DPF2: variants seen among roughly 807,000 people sequenced by gnomAD.
The protein encoded by DPF2 is double PHD fingers 2.
Under a neutral mutation model 59.6 loss-of-function variants are expected in DPF2, and 10 were observed. The observed-to-expected ratio is 0.17, with a 90% CI of 0.10 to 0.28. The LOEUF (loss-of-function observed/expected upper bound fraction) is 0.28. Among genes scored for constraint, DPF2 ranks in the 10% least tolerant of loss-of-function variants. The pLI is 1.00. For synonymous variants in DPF2, 189 were observed against 190.6 expected (o/e 0.99, Z 0.07); for missense variants, 315 against 509.4 (o/e 0.62, Z 3.67).
intron 1 of DPF2, among the ~76,000 whole-genome samples, chr11:65,337,504 T>TATATAGAGAGAG (rs1282367012): frequency 5.6e-4 from 12 of 21,396 alleles, no homozygotes; most frequent in African/African-American, 7.4e-4. Context: ...TATATATATA[T>TATATAGAGAGAG]AGAGAGAGAG....
intron 6 of DPF2, 62 bp from the exon 7 acceptor site, chr11:65,345,604 G>A (rs1398736639): frequency 5.6e-6 from 9 of 1,598,818 alleles, no homozygotes; most frequent in African/African-American, 1.3e-5. Flanking sequence ...ACAGCTTGCA[G>A]GGATGGGGAC....
chr11:65,343,485 T>G, intron 4 of DPF2: 3 of 481,322 alleles, frequency 6.2e-6, no homozygotes, highest in Non-Finnish European at 7.5e-6. Flanking sequence ...AAGCATGCTA[T>G]TTGATTTGGC....
chr11:65,338,495 G>T (rs571025532), intron 1 of DPF2, among the ~76,000 whole-genome samples: 1 of 152,172 alleles, frequency 6.6e-6, no homozygotes, highest in East Asian at 1.9e-4. Context: ...TCCAGTGTCC[G>T]TATCAATTCC....
intron 3 of DPF2, 37 bp from the exon 4 acceptor site, chr11:65,341,362 C>T: frequency 3.1e-6 from 5 of 1,611,762 alleles, no homozygotes; most frequent in Non-Finnish European, 4.2e-6. Context: ...TGCTTTCAGC[C>T]CTTTTGAGCC....
chr11:65,343,891 C>T (rs1854452681), intron 5 of DPF2, 54 bp downstream of exon 5: 12 of 1,590,992 alleles, frequency 7.5e-6, no homozygotes, highest in Non-Finnish European at 8.6e-7. Context: ...TAGGGAATTC[C>T]TTATTTTATT....
chr11:65,344,692 T>C, intron 6 of DPF2: 5 of 1,472,952 alleles, frequency 3.4e-6, no homozygotes, highest in Non-Finnish European at 4.6e-6. Flanking sequence ...TCCTCCTGCC[T>C]TTCTCATTTC....
At chr11:65,334,717 C>T (rs1950073211) in intron 1 of DPF2, among the ~76,000 whole-genome samples, 1 of 152,162 alleles carries the variant, frequency 6.6e-6, no homozygotes, top group Non-Finnish European at 1.5e-5. Context: ...GTTAAAGATG[C>T]TTTGGGACTT....
chr11:65,353,859 G>C lies in DPF2; in HGVS notation c.*2100G>C, dbSNP rs1447138671. 1.3e-5 allele frequency among the ~76,000 whole-genome samples: 2 copies of C among 152,196 alleles called. No homozygotes were observed. The highest frequency in any genetic ancestry group is 4.8e-5 in the African/African-American group (2 of 41,432). ...CAGCCCGTCCTCATGCTTTTCCACT[G>C]AAGTAGGCCAGGCAGAGAGGGAGTA... On this transcript the variant is annotated 3_prime_UTR_variant, in exon 11 of 11. Transcript: ENST00000528416.
At chr11:65,346,475 C>A in intron 9 of DPF2, 116 bp downstream of exon 9, 1 of 815,982 alleles carries the variant, frequency 1.2e-6, no homozygotes, top group Non-Finnish European at 1.9e-6. Context: ...CTCCCACATG[C>A]CACACGCCCC....
At chr11:65,348,741 C>A in intron 9 of DPF2, 109 bp from the exon 10 acceptor site, 2 of 1,010,452 alleles carry the variant, frequency 2.0e-6, no homozygotes, top group Non-Finnish European at 3.0e-6. Flanking sequence ...AAGATTCTCA[C>A]ATCTGTTCTT....
intron 6 of DPF2, chr11:65,345,039 A>G (rs1451627298): frequency 1.5e-5 from 3 of 200,920 alleles, no homozygotes; most frequent in African/African-American, 2.3e-5. Flanking sequence ...CAAGATGACA[A>G]AATGCCTCAT....
At chr11:65,346,510 T>C (rs1854535445) in intron 9 of DPF2, 151 bp downstream of exon 9, 2 of 649,850 alleles carry the variant, frequency 3.1e-6, no homozygotes, top group South Asian at 3.9e-5. Flanking sequence ...GTCAGAACTC[T>C]GATTTGTTGC....
At position 65,345,998 on chromosome 11, in the gene DPF2, A is replaced by T. The variant is rs1854515495; in HGVS notation, c.844A>T (p.Ile282Phe). The change falls in exon 8 of 11, where the codon ATT (isoleucine) becomes TTT (phenylalanine). Residue 282 changes from isoleucine (I) to phenylalanine (F), a missense_variant. By Grantham distance (21) the Ile-to-Phe change is conservative. Coordinates refer to ENST00000528416, the MANE Select transcript of DPF2 (RefSeq NM_006268.5). ...TGACTTCTGCCTGGGGGACTCAAAGATTAACAAGAAGACGGGACAACCCGA... is the reference window on the plus strand; with the variant it reads ...TGACTTCTGCCTGGGGGACTCAAAGTTTAACAAGAAGACGGGACAACCCGA... ...YCDFCLGDSK[I>F]NKKTGQPEEL... is the part of the protein sequence containing the mutation. 1.2e-6 allele frequency: 2 copies of T among 1,614,050 alleles called. No individual in the cohort carries two copies. Among genetic ancestry groups the T allele is most frequent in the Admixed American group, 3.3e-5 (2 of 59,992 alleles).
At chr11:65,341,784 T>C (rs1397948602) in intron 4 of DPF2, 19 of 553,070 alleles carry the variant, frequency 3.4e-5, no homozygotes, top group Non-Finnish European at 5.6e-5. Flanking sequence ...CACAGAAGGT[T>C]ATTATTATAC....
At position 65,344,093 on chromosome 11, in the gene DPF2, G is replaced by A. The variant is rs4647584; in HGVS notation, c.637+24G>A. The A allele has an allele frequency of 2.4e-3, 3,846 of 1,612,772 alleles. 106 individuals carry two copies. The African/African-American group carries it at 0.047, about 20-fold the overall frequency. On this transcript the variant is annotated intron_variant, in intron 6 of 10. Coordinates refer to ENST00000528416, the MANE Select transcript of DPF2 (RefSeq NM_006268.5). ...CAGTGAGTGCCTCACAAGTGGGTGG[G>A]TAGACCTTGCCTTGGACCCAGCTCC...
At chr11:65,338,406 A>G (rs1854269115) in intron 1 of DPF2, among the ~76,000 whole-genome samples, 1 of 152,078 alleles carries the variant, frequency 6.6e-6, no homozygotes, top group South Asian at 2.1e-4. Context: ...TCTCTCATTC[A>G]TTCCCCGCAA....
intron 3 of DPF2, 102 bp downstream of exon 3, chr11:65,341,175 C>A: frequency 7.5e-7 from 1 of 1,328,668 alleles, no homozygotes; most frequent in Admixed American, 2.0e-5. Context: ...CAAATATACT[C>A]AAATGAATAT....
chr11:65,354,251 C>G lies in DPF2; in HGVS notation c.*2492C>G, dbSNP rs1483124978. ...AAAGTACCAAATCTAATAAAATACT[C>G]GTCCTAAATCATTACTGGCCCAAGC... On this transcript the variant is annotated 3_prime_UTR_variant, in exon 11 of 11. Transcript: ENST00000528416. Among the ~76,000 whole-genome samples the G allele has an allele frequency of 6.6e-6, 1 of 152,216 alleles. No individual in the cohort carries two copies. The highest frequency in any genetic ancestry group is 3.2e-3 in the Middle Eastern group (1 of 314).
rs1198912466 is a variant in DPF2, at chr11:65,346,195, C to G, written c.905-52C>G. ...GATGTAGCCACAGGCAGGAGCTCCT[C>G]TCTTCCCCCCGCATTTCCGACTGTC... On this transcript the variant is annotated intron_variant, in intron 8 of 10. Transcript: ENST00000528416. 6 of 1,602,832 alleles carry G rather than the reference C, an allele frequency of 3.7e-6. No individual in the cohort carries two copies. In the East Asian group the frequency reaches 1.3e-4, roughly 36 times the overall value.
Sources: allele counts gnomAD v4.1 joint callset (sites outside exome capture counted in the v4.1 genomes callset), GRCh38; gene constraint gnomAD v4.1.1; transcripts MANE v1.5; gene names NCBI Gene and HGNC (gene_info 2026-07-23, HGNC 2026-07-21).